The following ZNF486 variants were observed in gnomAD, a reference collection of about 807,000 sequenced individuals.
ZNF486 encodes KRAB box only protein 2.
ZNF486 carries 12 observed loss-of-function variants against 12.8 expected under a neutral mutation model. The observed-to-expected ratio is 0.94, with a 90% CI of 0.60 to 1.52. The LOEUF is 1.52. Ranked by LOEUF, ZNF486 falls within the 40% of genes most tolerant of loss-of-function variation. The probability of loss-of-function intolerance (pLI) is 0.00; values close to 1 mark genes in which losing one functional copy is unlikely to be tolerated. For synonymous variants in ZNF486, 231 were observed against 184.9 expected (o/e 1.25, Z -2.02); for missense variants, 738 against 545.0 (o/e 1.35, Z -3.53).
At chr19:20,173,550 G>A (rs2089672871) in intron 1 of ZNF486, among the ~76,000 whole-genome samples, 2 of 152,104 alleles carry the variant, frequency 1.3e-5, no homozygotes, top group South Asian at 4.1e-4. Flanking sequence ...CCAAAAAAAG[G>A]CCAGGTGTGG....
chr19:20,168,002 A>T (rs1398077248), intron 1 of ZNF486, among the ~76,000 whole-genome samples: 1 of 152,084 alleles, frequency 6.6e-6, no homozygotes, highest in African/African-American at 2.4e-5. Flanking sequence ...GGATCAGCTT[A>T]GATTGTGCGG....
intron 3 of ZNF486, among the ~76,000 whole-genome samples, chr19:20,187,750 G>T (rs113111840): frequency 0.034 from 5,146 of 151,978 alleles, 329 homozygotes; most frequent in African/African-American, 0.12. Flanking sequence ...TGATCCATCC[G>T]CCTCGGCCTC....
rs782133047 is a variant in ZNF486 at position 20,197,274 on chromosome 19, C to T, written c.564C>T (p.Asp188=). The T allele has an allele frequency of 9.3e-6, 15 of 1,610,146 alleles. No homozygotes were observed. Among genetic ancestry groups the T allele is most frequent in the Admixed American group, 5.1e-5 (3 of 59,134 alleles). The change falls in exon 4 of 4, where the codon GAC becomes GAT. Residue 188 remains aspartate, a synonymous_variant. Transcript: ENST00000335117. ...EKKPLKYIEG[D]KAFNQSSTHT... ...AACCTTTGAAATATATAGAAGGTGACAAAGCTTTTAACCAGTCCTCAACCC... is the reference window on the plus strand; with the variant it reads ...AACCTTTGAAATATATAGAAGGTGATAAAGCTTTTAACCAGTCCTCAACCC...
rs542383199 is a variant in ZNF486 at position 20,169,701 on chromosome 19, T to C, written c.30+2341T>C. Among the ~76,000 whole-genome samples, 4 of 152,172 alleles carry C rather than the reference T, an allele frequency of 2.6e-5. No homozygotes were observed. The South Asian group carries it at 6.2e-4, about 24-fold the overall frequency. ...AACAGGAGAAAGTACCAACTAATTA[T>C]AAGGTCTCTGTGGCTTGCAAAAATG... On this transcript the variant is annotated intron_variant, in intron 1 of 3. Transcript: ENST00000335117.
At chr19:20,193,617 C>A (rs1464650709) in intron 3 of ZNF486, among the ~76,000 whole-genome samples, 2 of 152,014 alleles carry the variant, frequency 1.3e-5, no homozygotes, top group African/African-American at 2.4e-5. Context: ...GCCAAGGTCA[C>A]ACCACTGTAC....
chr19:20,183,753 C>G (rs1396440517), intron 1 of ZNF486, among the ~76,000 whole-genome samples: 4 of 151,976 alleles, frequency 2.6e-5, no homozygotes, highest in Admixed American at 2.0e-4. Flanking sequence ...TGGCAGCTTT[C>G]TTTTTTAAAC....
intron 1 of ZNF486, among the ~76,000 whole-genome samples, chr19:20,179,269 C>A (rs2089758370): frequency 6.6e-6 from 1 of 151,872 alleles, no homozygotes; most frequent in Non-Finnish European, 1.5e-5. Flanking sequence ...GATATCTAAT[C>A]AATAATCAAT....
chr19:20,185,570 C>T (rs2089833840), intron 2 of ZNF486, among the ~76,000 whole-genome samples: 1 of 151,482 alleles, frequency 6.6e-6, no homozygotes, highest in African/African-American at 2.4e-5. Flanking sequence ...CGTGCCGCTG[C>T]ACCCAGCTTT....
At position 20,191,076 on chromosome 19, in the gene ZNF486, C is replaced by A. The variant is rs541202425; in HGVS notation, c.253+4994C>A. On this transcript the variant is annotated intron_variant, in intron 3 of 3. Coordinates refer to ENST00000335117, the MANE Select transcript of ZNF486 (RefSeq NM_052852.4). ...ATGTCCAATTACTCTTTACCTTCCA[C>A]CATGATTGTAAGTTTCCTGAGGCCC... Among the ~76,000 whole-genome samples, 12 of 152,320 alleles carry A rather than the reference C, an allele frequency of 7.9e-5. No homozygotes were observed. The South Asian group carries it at 2.5e-3, about 32-fold the overall frequency.
At chr19:20,188,781 C>T (rs1046601406) in intron 3 of ZNF486, 2 of 239,366 alleles carry the variant, frequency 8.4e-6, no homozygotes, top group Non-Finnish European at 1.6e-5. Flanking sequence ...TCATTTTACC[C>T]TCTCTCACCC....
chr19:20,182,618 G>A (rs1418468546), intron 1 of ZNF486, among the ~76,000 whole-genome samples: 1 of 151,208 alleles, frequency 6.6e-6, no homozygotes, highest in African/African-American at 2.4e-5. Context: ...TCAGTGTGGT[G>A]CATAATTCCA....
chr19:20,178,121 T>A (rs556965508), intron 1 of ZNF486, among the ~76,000 whole-genome samples: 32 of 148,114 alleles, frequency 2.2e-4, no homozygotes, highest in Non-Finnish European at 4.2e-4. Flanking sequence ...TAGAGATGGG[T>A]TTTACCATGT....
intron 3 of ZNF486, among the ~76,000 whole-genome samples, chr19:20,186,317 A>G (rs1207160006): frequency 6.6e-6 from 1 of 152,182 alleles, no homozygotes; most frequent in Non-Finnish European, 1.5e-5. Context: ...GCTTCCTTCA[A>G]GTTCACAGTG....
rs538773081 is a variant in ZNF486 at position 20,184,912 on chromosome 19, G to A, written c.157+430G>A. On this transcript the variant is annotated intron_variant, in intron 2 of 3. Transcript: ENST00000335117. ...AGATCACCTGAAGTTGGGAGTTTGAGACCAGCCTGACCAACATGGAGAAAC... is the reference window on the plus strand; with the variant it reads ...AGATCACCTGAAGTTGGGAGTTTGAAACCAGCCTGACCAACATGGAGAAAC... 7.2e-5 allele frequency among the ~76,000 whole-genome samples: 11 copies of A among 152,208 alleles called. No individual in the cohort carries two copies. In the South Asian group the frequency reaches 1.5e-3, roughly 20 times the overall value.
At chr19:20,168,457 C>G (rs2089609385) in intron 1 of ZNF486, among the ~76,000 whole-genome samples, 1 of 152,086 alleles carries the variant, frequency 6.6e-6, no homozygotes, top group Non-Finnish European at 1.5e-5. Flanking sequence ...GAGTTCGAGA[C>G]CGGCCTGACT....
At chr19:20,192,324 T>C (rs1230237216) in intron 3 of ZNF486, among the ~76,000 whole-genome samples, 1 of 152,194 alleles carries the variant, frequency 6.6e-6, no homozygotes, top group African/African-American at 2.4e-5. Flanking sequence ...TATGTATTTA[T>C]TTTGAGACAG....
intron 1 of ZNF486, among the ~76,000 whole-genome samples, chr19:20,167,709 C>T (rs1435883449): frequency 1.3e-5 from 2 of 152,074 alleles, no homozygotes; most frequent in East Asian, 3.9e-4. Flanking sequence ...TTCGGAAGAG[C>T]TTTGGTCCGT....
At chr19:20,183,430 A>G (rs1335757078) in intron 1 of ZNF486, among the ~76,000 whole-genome samples, 2 of 152,230 alleles carry the variant, frequency 1.3e-5, no homozygotes, top group African/African-American at 4.8e-5. Flanking sequence ...TGCTAAATGA[A>G]GCCTACTTAA....
At chr19:20,188,439 T>G (rs1216958122) in intron 3 of ZNF486, 2 of 398,424 alleles carry the variant, frequency 5.0e-6, no homozygotes, top group Non-Finnish European at 8.8e-6. Context: ...ATCCCAGGAT[T>G]TTGGGAGGCC....
Sources: allele counts gnomAD v4.1 joint callset (sites outside exome capture counted in the v4.1 genomes callset), GRCh38; gene constraint gnomAD v4.1.1; transcripts MANE v1.5; gene names NCBI Gene and HGNC (gene_info 2026-07-23, HGNC 2026-07-21).